The following MAST4 variants were observed in gnomAD, a reference collection of about 807,000 sequenced individuals.
MAST4 encodes the protein microtubule associated serine/threonine kinase family member 4, also known as microtubule-associated serine/threonine-protein kinase 4.
A neutral mutation model predicts 162.7 loss-of-function variants in MAST4; 89 were observed. That is an observed-to-expected ratio of 0.55 (90% CI 0.46 to 0.65). MAST4 has a LOEUF of 0.65. MAST4 is among the 30% of genes least tolerant of loss of function. The pLI is 0.00. For missense variants in MAST4, 3,153 were observed against 3,374.0 expected (o/e 0.93, Z 1.62); for synonymous variants, 1,479 against 1,361.1 (o/e 1.09, Z -1.91).
intron 1 of MAST4, among the ~76,000 whole-genome samples, chr5:66,681,180 C>T (rs1449823604): frequency 6.6e-6 from 1 of 152,242 alleles, no homozygotes; most frequent in Non-Finnish European, 1.5e-5. Flanking sequence ...AAGCACTTTT[C>T]ACAGTGACAG....
At chr5:67,130,490 T>G in intron 15 of MAST4, 72 bp downstream of exon 15, 1 of 1,487,214 alleles carries the variant, frequency 6.7e-7, no homozygotes, top group South Asian at 1.2e-5. Context: ...AAGCTGTCTG[T>G]ATTTGTGCCA....
chr5:66,763,608 A>G (rs1169006118), intron 2 of MAST4, among the ~76,000 whole-genome samples: 1 of 152,244 alleles, frequency 6.6e-6, no homozygotes, highest in African/African-American at 2.4e-5. Flanking sequence ...CATATTATAA[A>G]AAATATGTTT....
At chr5:66,800,115 G>A (rs770896993) in intron 3 of MAST4, among the ~76,000 whole-genome samples, 21 of 152,164 alleles carry the variant, frequency 1.4e-4, no homozygotes, top group East Asian at 3.9e-4. Context: ...GCCTTGTGAC[G>A]ATAAGCTTTT....
intron 4 of MAST4, among the ~76,000 whole-genome samples, chr5:66,956,912 G>T (rs1415495618): frequency 6.6e-6 from 1 of 152,106 alleles, no homozygotes; most frequent in Non-Finnish European, 1.5e-5. Flanking sequence ...TGTATTTTGG[G>T]TCAATGTATT....
chr5:67,158,127 C>T (rs979729636), intron 26 of MAST4, among the ~76,000 whole-genome samples: 2 of 152,122 alleles, frequency 1.3e-5, no homozygotes, highest in Non-Finnish European at 2.9e-5. Flanking sequence ...AAAATTTCAG[C>T]ATGGCCTCAA....
At chr5:67,078,911 AATATATATAT>A (rs750951069) in intron 5 of MAST4, among the ~76,000 whole-genome samples, 2 of 38,110 alleles carry the variant, frequency 5.2e-5, no homozygotes, top group African/African-American at 2.5e-4. Context: ...TTTTTATATA[AATATATATAT>A]ATATATATAT....
At position 66,788,758 on chromosome 5, in the gene MAST4, C is replaced by T. The variant is rs775320301; in HGVS notation, c.606C>T (p.Ala202=). 2.1e-5 allele frequency: 33 copies of T among 1,608,028 alleles called. No individual in the cohort carries two copies. The highest frequency in any genetic ancestry group is 1.7e-4 in the Middle Eastern group (1 of 5,930). ...ACCTCGTGCGCATGCGCAGCCAGGC[C>T]CTGGGCCAGTCGGCGCCCTCGCTCA... is the stretch of plus-strand genomic sequence containing the variant. The part of the protein sequence containing the change: ...TSNLVRMRSQ[A]LGQSAPSLTA... Residue 202 remains alanine, a synonymous_variant, in exon 3 of 29, where the codon GCC becomes GCT. Transcript: ENST00000403625.
At chr5:67,097,160 C>A (rs1764556962) in intron 7 of MAST4, among the ~76,000 whole-genome samples, 1 of 151,930 alleles carries the variant, frequency 6.6e-6, no homozygotes, top group South Asian at 2.1e-4. Context: ...GTATTCTTTC[C>A]ATCTTTAGTA....
At chr5:67,154,227 TC>T (rs1343847423) in intron 26 of MAST4, among the ~76,000 whole-genome samples, 1 of 152,222 alleles carries the variant, frequency 6.6e-6, no homozygotes, top group African/African-American at 2.4e-5. Flanking sequence ...ACACTGATCC[TC>T]TCAGATAGCT....
chr5:66,953,768 A>G (rs926957309), intron 4 of MAST4, among the ~76,000 whole-genome samples: 1 of 152,158 alleles, frequency 6.6e-6, no homozygotes, highest in East Asian at 1.9e-4. Flanking sequence ...CTAGAGCAAG[A>G]TTTCTAGAAT....
intron 1 of MAST4, among the ~76,000 whole-genome samples, chr5:66,751,351 C>A (rs1416475955): frequency 6.6e-6 from 1 of 152,098 alleles, no homozygotes; most frequent in Admixed American, 6.5e-5. Flanking sequence ...TTACTCTGAG[C>A]TACAGGAGGA....
At chr5:66,808,106 C>T (rs1030746213) in intron 3 of MAST4, among the ~76,000 whole-genome samples, 6 of 152,214 alleles carry the variant, frequency 3.9e-5, no homozygotes, top group African/African-American at 1.4e-4. Flanking sequence ...TCCCAGCTTC[C>T]GTGTCACAGT....
rs1245994469 is a variant in MAST4, at chr5:66,878,941, A to G, written c.643-21010A>G. On this transcript the variant is annotated intron_variant, in intron 3 of 28. Transcript: ENST00000403625. Reference sequence around the variant, plus strand: ...GTTCACAGAAAAGCAAATATGAATAAATGGCTCATACGCATAGGAAATGAT... The same window carrying G: ...GTTCACAGAAAAGCAAATATGAATAGATGGCTCATACGCATAGGAAATGAT... 2.6e-5 allele frequency among the ~76,000 whole-genome samples: 4 copies of G among 152,244 alleles called. No individual in the cohort carries two copies. The South Asian group carries it at 8.3e-4, about 31-fold the overall frequency.
intron 4 of MAST4, among the ~76,000 whole-genome samples, chr5:66,984,077 C>G (rs189125106): frequency 1.3e-4 from 20 of 152,298 alleles, no homozygotes; most frequent in Non-Finnish European, 2.1e-4. Flanking sequence ...AGTCTCTGCT[C>G]TCATGGAGCT....
rs935746184 is a variant in MAST4, at chr5:66,715,587, G to T, written c.364-44122G>T. Among the ~76,000 whole-genome samples, 566 of 150,752 alleles carry T rather than the reference G, an allele frequency of 3.8e-3. 3 individuals are homozygous for T. The highest frequency in any genetic ancestry group is 0.013 in the African/African-American group (534 of 41,004). On this transcript the variant is annotated intron_variant, in intron 1 of 28. Coordinates refer to ENST00000403625, the MANE Select transcript of MAST4 (RefSeq NM_001164664.2). ...CTAATGCTAAATGACGAGTTAATGGGTGCAGCACACCAACATGGCACATGT... is the reference window on the plus strand; with the variant it reads ...CTAATGCTAAATGACGAGTTAATGGTTGCAGCACACCAACATGGCACATGT...
chr5:66,782,302 AAAAG>A (rs1199291814), intron 2 of MAST4, among the ~76,000 whole-genome samples: 134 of 152,118 alleles, frequency 8.8e-4, no homozygotes, highest in African/African-American at 3.0e-3. Context: ...AAAAAAAAAA[AAAAG>A]AAAACACATT....
intron 4 of MAST4, among the ~76,000 whole-genome samples, chr5:67,013,424 G>T (rs1179247217): frequency 6.6e-6 from 1 of 152,144 alleles, no homozygotes; most frequent in East Asian, 1.9e-4. Context: ...GGGGAAGAAA[G>T]CTGATGGATT....
chr5:66,862,385 C>T (rs1428995731), intron 3 of MAST4, among the ~76,000 whole-genome samples: 1 of 152,110 alleles, frequency 6.6e-6, no homozygotes, highest in Admixed American at 6.5e-5. Flanking sequence ...AGTGGGCTGA[C>T]ATATGTGCTG....
chr5:66,621,465 T>C (rs925765279), intron 1 of MAST4, among the ~76,000 whole-genome samples: 1 of 152,296 alleles, frequency 6.6e-6, no homozygotes. Context: ...GTTAATTTGG[T>C]TTTTAGAGAA....
Sources: allele counts gnomAD v4.1 joint callset (sites outside exome capture counted in the v4.1 genomes callset), GRCh38; gene constraint gnomAD v4.1.1; transcripts MANE v1.5; gene names NCBI Gene and HGNC (gene_info 2026-07-23, HGNC 2026-07-21).